The following MUC6 variants were observed in gnomAD, a reference collection of about 807,000 sequenced individuals.
The protein encoded by MUC6 is mucin-6.
Under a neutral mutation model 201.5 loss-of-function variants are expected in MUC6, and 188 were observed. The observed-to-expected ratio is 0.93, with a 90% confidence interval of 0.83 to 1.05. The LOEUF (loss-of-function observed/expected upper bound fraction) is 1.05. Ranked by LOEUF, MUC6 falls within the 50% of genes least tolerant of loss-of-function variation. MUC6 has a pLI of 0.00. For missense variants in MUC6, 2,706 were observed against 3,256.9 expected, an observed-to-expected ratio of 0.83 and a Z score of 4.12; for synonymous variants, 1,228 against 1,389.4, an observed-to-expected ratio of 0.88 and a Z score of 2.58.
intron 29 of MUC6, 50 bp from the exon 30 acceptor site, chr11:1,019,546 C>G (rs190939896): frequency 3.1e-4 from 478 of 1,535,100 alleles, no homozygotes; most frequent in Non-Finnish European, 3.9e-4. Flanking sequence ...GCCTGCATTT[C>G]GAAGGCTTGT....
chr11:1,015,739 A>G, intron 31 of MUC6, 23 bp downstream of exon 31: 2 of 1,520,010 alleles, frequency 1.3e-6, no homozygotes, highest in Non-Finnish European at 1.8e-6. Flanking sequence ...GGCCAGGAGA[A>G]GGGCCACAGA....
chr11:1,013,219 C>T lies in MUC6; in HGVS notation c.*237G>A, dbSNP rs1166329786. On this transcript the variant is annotated 3_prime_UTR_variant, in exon 33 of 33. Transcript: ENST00000421673. ...TGTGTGCCTGGGAGGTCCGTGACCA[C>T]TGTCCGCCTCAGTCCCTCTCTGCTG... is the stretch of plus-strand genomic sequence containing the variant. The T allele has an allele frequency of 3.6e-6, 2 of 560,516 alleles. No homozygotes were observed. Among genetic ancestry groups the T allele is most frequent in the Non-Finnish European group, 6.3e-6 (2 of 319,386 alleles). The allele number at this position is 560,516 out of a possible 1,614,324, so 34.7% of individuals were successfully genotyped here.
chr11:1,020,968 G>A (rs1856792957), intron 27 of MUC6, among the ~76,000 whole-genome samples: 1 of 152,196 alleles, frequency 6.6e-6, no homozygotes, highest in African/African-American at 2.4e-5. Context: ...CTGGGAGCTG[G>A]TGGAAGAGGG....
At position 1,020,112 on chromosome 11, in the gene MUC6, G is replaced by C. The variant is rs764165038; in HGVS notation, c.3786C>G (p.Ser1262=). The C allele has an allele frequency of 9.3e-6, 15 of 1,613,456 alleles. 1 individual carries two copies. The South Asian group carries it at 1.6e-4, about 18-fold the overall frequency. ...TACCTCCCGAGGAGGCTGTGGGCTT[G>C]GAGGATGTGAGCGTGGCTGGAAGGA... The part of the protein sequence containing the change: ...TPLLPATLTS[S]KPTASSGEPP... The change falls in exon 29 of 33, where the codon TCC becomes TCG. Residue 1262 remains serine (S), a synonymous_variant. Coordinates refer to ENST00000421673, the MANE Select transcript of MUC6 (RefSeq NM_005961.3).
chr11:1,023,837 C>T (rs889448582), intron 25 of MUC6, 110 bp downstream of exon 25: 25 of 1,473,708 alleles, frequency 1.7e-5, no homozygotes, highest in South Asian at 4.0e-5. Context: ...GGGCACAGCC[C>T]GGCGCCTGTC....
Position 1,028,240 on chromosome 11 carries a change from A to G in MUC6, c.1739T>C (p.Met580Thr). ...ALERETDPCS[M>T]SQLNKVCAET... ...CGGACACTCACTGTTGAGCTGGCTC[A>G]TGGAGCAGGGGTCAGTCTCACGCTC... Residue 580 changes from methionine (M) to threonine (T), a missense_variant, in exon 14 of 33, where the codon ATG becomes ACG. Met to Thr is a moderately conservative substitution (Grantham distance 81). This residue lies in a region of MUC6 where 1,850 missense variants were observed against 1,958.3 expected (regional missense o/e 0.94). Transcript: ENST00000421673. 2 of 1,579,952 alleles carry G rather than the reference A, an allele frequency of 1.3e-6. No individual in the cohort carries two copies. The highest frequency in any genetic ancestry group is 1.7e-6 in the Non-Finnish European group (2 of 1,163,612).
intron 27 of MUC6, 73 bp downstream of exon 27, chr11:1,021,142 T>G: frequency 7.2e-7 from 1 of 1,388,440 alleles, no homozygotes; most frequent in Non-Finnish European, 9.6e-7. Context: ...CTCCCTTGTT[T>G]GTGGGATGTG....
Position 1,027,290 on chromosome 11 carries a change from T to A in MUC6, c.2209A>T (p.Thr737Ser), listed in dbSNP as rs1250361559. ...GYKFILAEQSTVINGITCHCI... is the reference protein window; with the variant it reads ...GYKFILAEQSSVINGITCHCI... The stretch of plus-strand genomic sequence containing the variant: ...CACCAGGTGATGCCGTTGATGACAG[T>A]GGACTGCTCGGCCAGGATGAACTTG... Residue 737 changes from threonine to serine, a missense_variant, in exon 17 of 33, where the codon ACT becomes TCT. By Grantham distance (58) the Thr-to-Ser change is moderately conservative. Coordinates refer to ENST00000421673, the MANE Select transcript of MUC6 (RefSeq NM_005961.3). 2 of 1,612,464 alleles carry A rather than the reference T, an allele frequency of 1.2e-6. No individual in the cohort carries two copies. Among genetic ancestry groups the A allele is most frequent in the Non-Finnish European group, 1.7e-6 (2 of 1,179,816 alleles).
At chr11:1,026,298 A>C in intron 20 of MUC6, 29 bp downstream of exon 20, 2 of 1,555,796 alleles carry the variant, frequency 1.3e-6, no homozygotes, top group South Asian at 1.2e-5. Context: ...CCAGGAGCCC[A>C]GGGCGTCTGA....
intron 8 of MUC6, among the ~76,000 whole-genome samples, chr11:1,029,829 C>G (rs967722163): frequency 2.0e-5 from 3 of 152,218 alleles, no homozygotes; most frequent in Admixed American, 2.0e-4. Context: ...ATTCGCAACT[C>G]TATGTCAGGC....
Position 1,017,142 on chromosome 11 carries a change from C to G in MUC6, c.5659G>C (p.Gly1887Arg), listed in dbSNP as rs547609120. 8.7e-6 allele frequency: 14 copies of G among 1,613,338 alleles called. No homozygotes were observed. In the South Asian group the frequency reaches 1.5e-4, roughly 18 times the overall value. ...ATTGGTGGGGCTGTGTGGGTGGACC[C>G]TGTGGCCTTGATCGTGGTCGGTGGA... ...IPPPTTIKAT[G>R]STHTAPPMTP... Residue 1887 changes from glycine to arginine, a missense_variant, in exon 31 of 33, where the codon GGG becomes CGG. Gly to Arg is a moderately radical substitution (Grantham distance 125). Coordinates refer to ENST00000421673, the MANE Select transcript of MUC6 (RefSeq NM_005961.3).
At position 1,024,076 on chromosome 11, in the gene MUC6, A is replaced by G; in HGVS notation, c.3253T>C (p.Cys1085Arg). 1 of 1,612,978 alleles carries G rather than the reference A, an allele frequency of 6.2e-7. No homozygotes were observed. Among genetic ancestry groups the G allele is most frequent in the Non-Finnish European group, 8.5e-7 (1 of 1,179,770 alleles). The change falls in exon 25 of 33, where the codon TGC becomes CGC. Residue 1085 changes from cysteine to arginine, a missense_variant. Transcript: ENST00000421673. The stretch of plus-strand genomic sequence containing the variant: ...TCACACCCACATGCGTCGCGCACGC[A>G]GGCCTCGTAGTAGGGCAGGTGGTAT... ...KVYHLPYYEACVRDACGCDSG... is the reference protein window; with the variant it reads ...KVYHLPYYEARVRDACGCDSG...
rs1856741932 is a variant in MUC6, at chr11:1,018,722, G to T, written c.4079C>A (p.Thr1360Lys). The change falls in exon 31 of 33, where the codon ACA becomes AAA. Residue 1360 changes from threonine to lysine, a missense_variant. Thr to Lys is a moderately conservative substitution (Grantham distance 78, BLOSUM62 -1). Transcript: ENST00000421673. ...GCTTGCTGGGGTTGGACGTGGGCCT[G>T]TCGTCTGGGTGGCCGTTGTTCCTGG... ...ELPGTTATQT[T>K]GPRPTPASTT... 1.9e-6 allele frequency: 3 copies of T among 1,588,272 alleles called. No homozygotes were observed. The highest frequency in any genetic ancestry group is 2.7e-5 in the African/African-American group (2 of 73,044).
chr11:1,020,543 TGATTGC>T, intron 28 of MUC6, 135 bp downstream of exon 28: 1 of 1,306,774 alleles, frequency 7.7e-7, no homozygotes, highest in East Asian at 2.3e-5. Context: ...TCCCCAACTC[TGATTGC>T]CAGGTTAGAC....
rs796144394 is a variant in MUC6 at position 1,026,209 on chromosome 11, G to T, written c.2547-68C>A. ...TGCCATACTGGGTGTGGTCCCTGGA[G>T]AGGCCAGACTGCACCTCTGGACGCC... On this transcript the variant is annotated intron_variant, in intron 20 of 32. Coordinates refer to ENST00000421673, the MANE Select transcript of MUC6 (RefSeq NM_005961.3). The T allele has an allele frequency of 7.1e-6, 11 of 1,541,908 alleles. No individual in the cohort carries two copies. The African/African-American group carries it at 1.5e-4, about 21-fold the overall frequency.
Position 1,015,751 on chromosome 11 carries a change from A to G in MUC6, c.7039+11T>C. On this transcript the variant is annotated intron_variant, in intron 31 of 32. Coordinates refer to ENST00000421673, the MANE Select transcript of MUC6 (RefSeq NM_005961.3). ...TGAGGCCAGGAGAAGGGCCACAGAGATGCCACTTACCGGGTGAGGTGGGCG... is the reference window on the plus strand; with the variant it reads ...TGAGGCCAGGAGAAGGGCCACAGAGGTGCCACTTACCGGGTGAGGTGGGCG... The G allele has an allele frequency of 6.6e-7, 1 of 1,526,692 alleles. No individual in the cohort carries two copies. Among genetic ancestry groups the G allele is most frequent in the Non-Finnish European group, 8.8e-7 (1 of 1,136,320 alleles). 94.6% of individuals were successfully genotyped at this position (1,526,692 alleles called of 1,614,324 possible). A position where few individuals can be genotyped will look rare whatever the true frequency, so the allele number is the denominator to read the frequency against.
intron 20 of MUC6, 75 bp downstream of exon 20, chr11:1,026,252 C>G (rs1292397249): frequency 6.5e-7 from 1 of 1,541,896 alleles, no homozygotes; most frequent in South Asian, 1.2e-5. Flanking sequence ...CTGGGACAGC[C>G]CCACCCCGGG....
rs776535136 is a variant in MUC6, at chr11:1,033,138, C to A, written c.53-63G>T. On this transcript the variant is annotated intron_variant, in intron 1 of 32. Transcript: ENST00000421673. The surrounding 1 kb of genome is among the most constrained non-coding windows in gnomAD (Gnocchi z 5.6). ...CCGTCGTCCCTGAGGGCGCCGCTCA[C>A]CTCTGCTCAGGGCTGCTCCGCCCGT... 2.0e-6 allele frequency: 3 copies of A among 1,516,838 alleles called. No homozygotes were observed. The highest frequency in any genetic ancestry group is 1.7e-5 in the Admixed American group (1 of 59,778). The allele number at this position is 1,516,838 out of a possible 1,614,324, so 94.0% of individuals were successfully genotyped here. A position where few individuals can be genotyped will look rare whatever the true frequency, so the allele number is the denominator to read the frequency against.
intron 26 of MUC6, among the ~76,000 whole-genome samples, chr11:1,021,521 C>T (rs1856807647): frequency 6.6e-6 from 1 of 152,254 alleles, no homozygotes; most frequent in African/African-American, 2.4e-5. Context: ...CAGGCATGTG[C>T]CATGACGCCC....
Sources: allele counts gnomAD v4.1 joint callset (sites outside exome capture counted in the v4.1 genomes callset), GRCh38; gene constraint gnomAD v4.1.1; regional missense constraint gnomAD v4.1.1; non-coding constraint Gnocchi (gnomAD v3.1); transcripts MANE v1.5; gene names NCBI Gene and HGNC (gene_info 2026-07-23, HGNC 2026-07-21).